EXOC1: variants seen among roughly 807,000 people sequenced by gnomAD.
The protein encoded by EXOC1 is SEC3-like 1.
Under a neutral mutation model 107.7 loss-of-function variants are expected in EXOC1, and 67 were observed. The ratio of observed to expected loss-of-function variants is 0.62; its 90% CI spans 0.51 to 0.76. The LOEUF (loss-of-function observed/expected upper bound fraction) is 0.76, where lower values mean the gene tolerates loss of function less well. EXOC1 is among the 30% of genes least tolerant of loss of function. The pLI, the probability that EXOC1 is intolerant of heterozygous loss-of-function variation, is 0.00. For synonymous variants in EXOC1, 348 were observed against 353.5 expected (o/e 0.98, Z 0.17); for missense variants, 833 against 1,055.7 (o/e 0.79, Z 2.92).
chr4:55,857,168 C>CTTTTTTTTTTTTTTTTTTTTTT (rs71192052), intron 1 of EXOC1, among the ~76,000 whole-genome samples: 3 of 65,740 alleles, frequency 4.6e-5, no homozygotes, highest in Non-Finnish European at 8.1e-5. Flanking sequence ...TCCTTTTTTT[C>CTTTTTTTTTTTTTTTTTTTTTT]TTTTTTTTTT....
Position 55,870,781 on chromosome 4 carries a change from G to C in EXOC1, c.707G>C (p.Ser236Thr). The change falls in exon 6 of 19, where the codon AGC (serine) becomes ACC (threonine). Residue 236 changes from serine (S) to threonine (T), a missense_variant. By Grantham distance (58) the Ser-to-Thr change is moderately conservative. Transcript: ENST00000381295. ...GTAGATCAGATTGAATTGAAACTGA[G>C]CAGTTATGAGGAAATGCTCCAAAGT... The part of the protein sequence containing the change: ...KEVDQIELKL[S>T]SYEEMLQSVK... 6.2e-7 allele frequency: 1 copy of C among 1,613,832 alleles called. No individual in the cohort carries two copies. Among genetic ancestry groups the C allele is most frequent in the Non-Finnish European group, 8.5e-7 (1 of 1,179,860 alleles).
chr4:55,860,938 T>G (rs73151582), intron 3 of EXOC1, among the ~76,000 whole-genome samples: 7,743 of 149,540 alleles, frequency 0.052, 494 homozygotes, highest in Admixed American at 0.18. Flanking sequence ...GAGGCCACCA[T>G]GGCTTTGATG....
intron 2 of EXOC1, among the ~76,000 whole-genome samples, chr4:55,858,875 G>T (rs181304610): frequency 3.3e-5 from 5 of 152,064 alleles, no homozygotes; most frequent in Non-Finnish European, 1.5e-5. Context: ...TTTTTATGAT[G>T]CCTGTTAATG....
intron 10 of EXOC1, among the ~76,000 whole-genome samples, chr4:55,885,126 A>C (rs1214179991): frequency 6.6e-6 from 1 of 151,720 alleles, no homozygotes; most frequent in African/African-American, 2.4e-5. Context: ...TTTTTTTTTG[A>C]GTAAACAGCA....
intron 4 of EXOC1, among the ~76,000 whole-genome samples, chr4:55,867,646 C>G (rs559132482): frequency 4.6e-5 from 7 of 151,606 alleles, no homozygotes; most frequent in African/African-American, 1.7e-4. Context: ...AAGCATGAAG[C>G]CTGTTTAACT....
rs1017155199 is a variant in EXOC1 at position 55,860,311 on chromosome 4, A to G, written c.125-100A>G. On this transcript the variant is annotated intron_variant, in intron 2 of 18. Coordinates refer to ENST00000381295, the MANE Select transcript of EXOC1 (RefSeq NM_001024924.2). ...TGCAAAGTATTACACCTCTTTTAGT[A>G]TCAGCTACTAGGCACCTGAAAGCTA... 1.6e-5 allele frequency: 23 copies of G among 1,440,402 alleles called. 1 individual carries two copies. The highest frequency in any genetic ancestry group is 1.8e-4 in the Middle Eastern group (1 of 5,492). 89.2% of individuals were successfully genotyped at this position (1,440,402 alleles called of 1,614,324 possible). A position where few individuals can be genotyped will look rare whatever the true frequency, so the allele number is the denominator to read the frequency against.
intron 2 of EXOC1, among the ~76,000 whole-genome samples, chr4:55,860,092 G>A (rs1170899260): frequency 1.3e-5 from 2 of 152,110 alleles, no homozygotes; most frequent in East Asian, 3.9e-4. Context: ...ATGGTATTTT[G>A]CTCTTTCAAG....
At chr4:55,897,217 C>T (rs1725328427) in intron 16 of EXOC1, among the ~76,000 whole-genome samples, 1 of 151,540 alleles carries the variant, frequency 6.6e-6, no homozygotes, top group Admixed American at 6.6e-5. Flanking sequence ...ACCTCCACCT[C>T]CCAGGCTCAA....
At chr4:55,877,141 C>T (rs892092142) in intron 8 of EXOC1, 55 of 977,488 alleles carry the variant, frequency 5.6e-5, no homozygotes, top group African/African-American at 1.8e-4. Flanking sequence ...AAATTCAGGA[C>T]GCTTATTTAG....
chr4:55,857,706 T>C (rs550753533), intron 1 of EXOC1, among the ~76,000 whole-genome samples: 1 of 152,304 alleles, frequency 6.6e-6, no homozygotes, highest in South Asian at 2.1e-4. Context: ...ACCAAGCTGT[T>C]TTCCAAAGTG....
intron 1 of EXOC1, among the ~76,000 whole-genome samples, chr4:55,857,138 G>A (rs1297022007): frequency 7.3e-6 from 1 of 136,458 alleles, no homozygotes; most frequent in Non-Finnish European, 1.6e-5. Context: ...CAATATTTTA[G>A]CATGTTTCAT....
rs1484773848 is a variant in EXOC1 at position 55,857,177 on chromosome 4, T to G, written c.-10-1137T>G. Reference sequence around the variant, plus strand: ...TTCATTTCCTTTTTTTCTTTTTTTTTTTTTTTTTTTTTTTTTTTGGAGACA... The same window carrying G: ...TTCATTTCCTTTTTTTCTTTTTTTTGTTTTTTTTTTTTTTTTTTGGAGACA... On this transcript the variant is annotated intron_variant, in intron 1 of 18. Coordinates refer to ENST00000381295, the MANE Select transcript of EXOC1 (RefSeq NM_001024924.2). Among the ~76,000 whole-genome samples, 354 of 113,634 alleles carry G rather than the reference T, an allele frequency of 3.1e-3. 1 individual carries two copies. The highest frequency in any genetic ancestry group is 0.012 in the African/African-American group (335 of 27,050). 74.5% of individuals were successfully genotyped at this position (113,634 alleles called of 152,430 possible).
intron 10 of EXOC1, among the ~76,000 whole-genome samples, chr4:55,884,727 TC>T (rs937844879): frequency 3.3e-5 from 5 of 152,188 alleles, no homozygotes; most frequent in African/African-American, 1.2e-4. Flanking sequence ...TCTGCATAGC[TC>T]CCCTTTAGAA....
At chr4:55,899,996 G>A in intron 17 of EXOC1, 112 bp downstream of exon 17, 1 of 841,892 alleles carries the variant, frequency 1.2e-6, no homozygotes, top group Non-Finnish European at 1.8e-6. Context: ...TTGGTGCACA[G>A]GGGACTCAGT....
In EXOC1 at chr4:55,878,077, G is replaced by C. The variant is rs752676743; in HGVS notation, c.1224+11G>C. On this transcript the variant is annotated intron_variant, in intron 9 of 18. Coordinates refer to ENST00000381295, the MANE Select transcript of EXOC1 (RefSeq NM_001024924.2). ...GAAGGACTAACAAAGGTATGGATTT[G>C]ACGTCATTTACTCACTGAGAATAGA... The C allele has an allele frequency of 1.9e-6, 3 of 1,610,794 alleles. No individual in the cohort carries two copies. The highest frequency in any genetic ancestry group is 3.4e-5 in the Admixed American group (2 of 59,180).
intron 11 of EXOC1, among the ~76,000 whole-genome samples, chr4:55,889,368 TTGTTTA>T (rs1256605881): frequency 2.0e-5 from 3 of 152,232 alleles, no homozygotes; most frequent in African/African-American, 7.2e-5. Flanking sequence ...ATATTAGTTA[TTGTTTA>T]TGTTTAATTC....
chr4:55,888,780 A>G, intron 10 of EXOC1, 108 bp from the exon 11 acceptor site: 1 of 1,072,470 alleles, frequency 9.3e-7, no homozygotes, highest in Admixed American at 1.9e-5. Flanking sequence ...GGTTCTTTGC[A>G]TGTGTCTTTT....
rs776792823 is a variant in EXOC1 at position 55,883,880 on chromosome 4, G to A, written c.1282G>A (p.Val428Ile). Residue 428 changes from valine to isoleucine, a missense_variant, in exon 10 of 19, where the codon GTT (valine) becomes ATT (isoleucine). Val to Ile is a conservative substitution (Grantham distance 29). Transcript: ENST00000381295. ...YEREIKDFFE[V>I]AKIKMTGTTK... Reference sequence around the variant, plus strand: ...AAGAGAAATCAAAGATTTCTTTGAAGTTGCAAAGATCAAGATGACTGGCAC... The same window carrying A: ...AAGAGAAATCAAAGATTTCTTTGAAATTGCAAAGATCAAGATGACTGGCAC... The A allele has an allele frequency of 1.2e-6, 2 of 1,607,284 alleles. No individual in the cohort carries two copies. The highest frequency in any genetic ancestry group is 1.7e-6 in the Non-Finnish European group (2 of 1,177,864).
rs1724075577 is a variant in EXOC1 at position 55,887,859 on chromosome 4, T to G, written c.1331-1029T>G. On this transcript the variant is annotated intron_variant, in intron 10 of 18. Transcript: ENST00000381295. ...TAGCTAGTAGCTCCAGCGTGATCCCTGTTTGCCACTTTAATGTCCAGCCTT... is the reference window on the plus strand; with the variant it reads ...TAGCTAGTAGCTCCAGCGTGATCCCGGTTTGCCACTTTAATGTCCAGCCTT... Among the ~76,000 whole-genome samples the G allele has an allele frequency of 3.3e-5, 5 of 152,186 alleles. No homozygotes were observed. The South Asian group carries it at 1.0e-3, about 31-fold the overall frequency.
Sources: allele counts gnomAD v4.1 joint callset (sites outside exome capture counted in the v4.1 genomes callset), GRCh38; gene constraint gnomAD v4.1.1; transcripts MANE v1.5; gene names NCBI Gene and HGNC (gene_info 2026-07-23, HGNC 2026-07-21).